The following CXADR variants were observed in gnomAD, a reference collection of about 807,000 sequenced individuals.
CXADR encodes the protein coxsackievirus and adenovirus receptor.
A neutral mutation model predicts 40.3 loss-of-function variants in CXADR; 20 were observed. The observed-to-expected ratio is 0.50, with a 90% CI of 0.35 to 0.72. The LOEUF is 0.72. Ranked by LOEUF, CXADR falls within the 30% of genes least tolerant of loss-of-function variation. The pLI is 0.01. For synonymous variants in CXADR, 150 were observed against 161.3 expected (o/e 0.93, Z 0.53); for missense variants, 332 against 449.1 (o/e 0.74, Z 2.36).
At chr21:17,558,038 T>C (rs953366702) in intron 3 of CXADR, among the ~76,000 whole-genome samples, 1 of 152,098 alleles carries the variant, frequency 6.6e-6, no homozygotes, top group Non-Finnish European at 1.5e-5. Flanking sequence ...GTAGTTGTTC[T>C]AAACAGTTAC....
chr21:17,538,557 G>T (rs1292280209), intron 1 of CXADR, among the ~76,000 whole-genome samples: 1 of 152,130 alleles, frequency 6.6e-6, no homozygotes, highest in East Asian at 1.9e-4. Flanking sequence ...TGTAATTCCA[G>T]CACTTTGGGA....
At chr21:17,608,098 G>A in the CXADR span, among the ~76,000 whole-genome samples, 1 of 152,298 alleles carries the variant, frequency 6.6e-6, no homozygotes, top group East Asian at 1.9e-4. Context: ...CAGGCATGGT[G>A]GCTCACGCCT....
Position 17,568,862 on chromosome 21 carries a change from G to T in CXADR, c.*3170G>T, listed in dbSNP as rs913183147. 4 of 984,984 alleles carry T rather than the reference G, an allele frequency of 4.1e-6. No individual in the cohort carries two copies. The highest frequency in any genetic ancestry group is 4.8e-6 in the Non-Finnish European group (4 of 829,886). The allele number at this position is 984,984 out of a possible 1,614,324, so 61.0% of individuals were successfully genotyped here. On this transcript the variant is annotated 3_prime_UTR_variant, in exon 7 of 7. Transcript: ENST00000284878. ...GACAAATTGCTTCTTTTTAATTTGA[G>T]CTATCTGCCATGGACTTTCTAAAAT...
chr21:17,599,742 AGTGCTGGGTTTATAGGCGTGAGCCATCAC>A, the CXADR span, among the ~76,000 whole-genome samples: 1 of 152,176 alleles, frequency 6.6e-6, no homozygotes, highest in Non-Finnish European at 1.5e-5. Context: ...GGCCTCCCAA[AGTGCTGGGTTTATAGGCGTGAGCCATCAC>A]GCCCAGCCCC....
intron 7 of CXADR, among the ~76,000 whole-genome samples, chr21:17,592,688 T>C (rs529230141): frequency 1.3e-5 from 2 of 151,828 alleles, no homozygotes; most frequent in East Asian, 3.9e-4. Context: ...AAAACGCATC[T>C]CCCTTGTGAC....
intron 1 of CXADR, among the ~76,000 whole-genome samples, chr21:17,536,465 T>G (rs1389828436): frequency 1.3e-5 from 2 of 152,128 alleles, no homozygotes; most frequent in South Asian, 2.1e-4. Flanking sequence ...CTTATGGTCC[T>G]CTCTCCCATC....
At chr21:17,544,370 A>G (rs561676988) in intron 1 of CXADR, among the ~76,000 whole-genome samples, 86 of 152,314 alleles carry the variant, frequency 5.6e-4, no homozygotes, top group Non-Finnish European at 1.0e-3. Flanking sequence ...TTTGGGCTGG[A>G]TCAGTGGGTT....
the CXADR span, among the ~76,000 whole-genome samples, chr21:17,627,988 CT>C: frequency 2.0e-5 from 3 of 152,124 alleles, no homozygotes; most frequent in Non-Finnish European, 4.4e-5. Context: ...AAGTAATTCT[CT>C]TTTTTTCACA....
chr21:17,591,862 CA>C (rs2061439081), intron 7 of CXADR, among the ~76,000 whole-genome samples: 1 of 151,874 alleles, frequency 6.6e-6, no homozygotes, highest in Admixed American at 6.6e-5. Context: ...AAGGGTTTGG[CA>C]AACTTTTGTA....
chr21:17,627,789 G>C, the CXADR span, among the ~76,000 whole-genome samples: 1 of 152,158 alleles, frequency 6.6e-6, no homozygotes, highest in East Asian at 1.9e-4. Context: ...GAGCCAGTGA[G>C]ATGCCAGATT....
chr21:17,632,988 C>G, the CXADR span, among the ~76,000 whole-genome samples: 2 of 152,132 alleles, frequency 1.3e-5, no homozygotes, highest in African/African-American at 2.4e-5. Context: ...ATTCTCTAAA[C>G]CTGTGCTAAG....
intron 6 of CXADR, among the ~76,000 whole-genome samples, chr21:17,562,095 T>G (rs2061131030): frequency 6.6e-6 from 1 of 152,194 alleles, no homozygotes; most frequent in Non-Finnish European, 1.5e-5. Flanking sequence ...TATACTATAT[T>G]GTAGTCTAAA....
At chr21:17,596,488 T>A (rs1440000637), downstream of CXADR, among the ~76,000 whole-genome samples, 3 of 152,044 alleles carry the variant, frequency 2.0e-5, no homozygotes, top group Non-Finnish European at 4.4e-5. Context: ...TAAGTTAGGT[T>A]CGTTTTTTTT....
the CXADR span, among the ~76,000 whole-genome samples, chr21:17,628,691 T>C: frequency 1.3e-5 from 2 of 152,110 alleles, no homozygotes; most frequent in Non-Finnish European, 2.9e-5. Context: ...TTAGTAGAGA[T>C]GGTGTTTCAC....
the CXADR span, among the ~76,000 whole-genome samples, chr21:17,624,283 A>G: frequency 6.6e-6 from 1 of 152,174 alleles, no homozygotes; most frequent in Admixed American, 6.5e-5. Flanking sequence ...AAATTGCCAC[A>G]CACTTAGCAG....
At chr21:17,607,787 C>A in the CXADR span, among the ~76,000 whole-genome samples, 3 of 152,168 alleles carry the variant, frequency 2.0e-5, no homozygotes, top group African/African-American at 7.2e-5. Flanking sequence ...TTTTATTTCT[C>A]GTGGCCACAT....
At chr21:17,635,719 A>T in the CXADR span, among the ~76,000 whole-genome samples, 3 of 152,216 alleles carry the variant, frequency 2.0e-5, no homozygotes, top group Admixed American at 6.5e-5. Flanking sequence ...ACACACACAC[A>T]AAATGTCCTC....
At chr21:17,546,797 G>A (rs1476616635) in intron 1 of CXADR, among the ~76,000 whole-genome samples, 2 of 152,136 alleles carry the variant, frequency 1.3e-5, no homozygotes, top group African/African-American at 2.4e-5. Context: ...AGTTCACAGC[G>A]TTCCTTAAGG....
At chr21:17,626,145 G>A in the CXADR span, among the ~76,000 whole-genome samples, 2 of 151,908 alleles carry the variant, frequency 1.3e-5, no homozygotes, top group African/African-American at 4.8e-5. Flanking sequence ...CTTTCTTCAT[G>A]GGCATTATTT....
Sources: gnomAD v4.1 joint callset for allele counts (sites outside exome capture counted in the v4.1 genomes callset) on GRCh38, gnomAD v4.1.1 for gene constraint, MANE v1.5 for transcripts, NCBI Gene and HGNC (gene_info 2026-07-23, HGNC 2026-07-21) for gene names.